The following ZNF385B variants were observed in gnomAD, a reference collection of about 807,000 sequenced individuals.
ZNF385B encodes zinc finger protein 385B, also known as zinc finger protein 533.
A neutral mutation model predicts 39.2 loss-of-function variants in ZNF385B; 23 were observed. The observed-to-expected ratio is 0.59, with a 90% CI of 0.42 to 0.83. ZNF385B has a LOEUF of 0.83. Ranked by LOEUF, ZNF385B falls within the 40% of genes least tolerant of loss-of-function variation. The probability of loss-of-function intolerance (pLI) is 0.00; values close to 1 mark genes in which losing one functional copy is unlikely to be tolerated. For missense variants in ZNF385B, 552 were observed against 598.9 expected (o/e 0.92, Z 0.82); for synonymous variants, 205 against 222.6 (o/e 0.92, Z 0.70).
chr2:179,669,814 A>C (rs1008548998), intron 3 of ZNF385B, among the ~76,000 whole-genome samples: 1 of 152,210 alleles, frequency 6.6e-6, no homozygotes, highest in African/African-American at 2.4e-5. Context: ...GTACTGAAGA[A>C]CTAATACAGT....
At chr2:179,808,102 A>G (rs968488679) in intron 1 of ZNF385B, among the ~76,000 whole-genome samples, 4 of 151,502 alleles carry the variant, frequency 2.6e-5, no homozygotes, top group Non-Finnish European at 4.4e-5. Context: ...GCGGGATCTC[A>G]GCTCAATGCA....
At chr2:179,720,873 C>T (rs1378124100) in intron 3 of ZNF385B, among the ~76,000 whole-genome samples, 1 of 151,494 alleles carries the variant, frequency 6.6e-6, no homozygotes, top group Non-Finnish European at 1.5e-5. Flanking sequence ...GATACTCCTG[C>T]CTCAGCCTCC....
intron 3 of ZNF385B, among the ~76,000 whole-genome samples, chr2:179,625,110 G>A (rs1425451992): frequency 6.6e-6 from 1 of 152,114 alleles, no homozygotes; most frequent in Non-Finnish European, 1.5e-5. Context: ...TACCTGGAGT[G>A]GTGATGTAGA....
intron 3 of ZNF385B, among the ~76,000 whole-genome samples, chr2:179,758,672 T>C (rs1237684007): frequency 6.6e-6 from 1 of 152,246 alleles, no homozygotes. Flanking sequence ...GCTCTGTGAC[T>C]GCTAGGTAAC....
intron 3 of ZNF385B, among the ~76,000 whole-genome samples, chr2:179,683,388 G>GA: frequency 6.6e-6 from 1 of 150,790 alleles, no homozygotes; most frequent in South Asian, 2.1e-4. Flanking sequence ...TCTCAAAAAA[G>GA]AAAAAAAGGA....
At chr2:179,797,613 G>C (rs1705752492) in intron 1 of ZNF385B, among the ~76,000 whole-genome samples, 1 of 152,106 alleles carries the variant, frequency 6.6e-6, no homozygotes, top group African/African-American at 2.4e-5. Context: ...ATTTATTTGT[G>C]AAAGAAACCA....
Position 179,619,901 on chromosome 2 carries a change from AGC to A in ZNF385B, c.299-74934_299-74933del, listed in dbSNP as rs796345183. 6.6e-5 allele frequency among the ~76,000 whole-genome samples: 10 copies of A among 152,346 alleles called. 1 individual carries two copies. The highest frequency in any genetic ancestry group is 2.4e-4 in the African/African-American group (10 of 41,582). The stretch of plus-strand genomic sequence containing the variant: ...GTAATGTGGCATGATAAAAAGAGAA[AGC>A]CAGAAAGATATAGGATGAAATTCTG... On this transcript the variant is annotated intron_variant, in intron 3 of 9. Coordinates refer to ENST00000410066, the MANE Select transcript of ZNF385B (RefSeq NM_152520.6).
At chr2:179,745,770 CCA>C (rs1559154890) in intron 3 of ZNF385B, 25 of 1,534,184 alleles carry the variant, frequency 1.6e-5, no homozygotes, top group Non-Finnish European at 2.1e-5. Flanking sequence ...TCAAGAGCAA[CCA>C]AGTTGGATAA....
intron 3 of ZNF385B, among the ~76,000 whole-genome samples, chr2:179,713,126 GAT>G (rs1700110923): frequency 6.6e-6 from 1 of 152,196 alleles, no homozygotes; most frequent in African/African-American, 2.4e-5. Context: ...TCTAGGCTAA[GAT>G]ATGATGTTCA....
chr2:179,773,846 A>G (rs1704150745), intron 1 of ZNF385B, among the ~76,000 whole-genome samples: 1 of 152,218 alleles, frequency 6.6e-6, no homozygotes, highest in Non-Finnish European at 1.5e-5. Context: ...AAGCTCCTTG[A>G]GTATAAAAAC....
intron 1 of ZNF385B, among the ~76,000 whole-genome samples, chr2:179,791,166 T>A (rs1575496844): frequency 6.6e-6 from 1 of 152,196 alleles, no homozygotes; most frequent in African/African-American, 2.4e-5. Context: ...GCCAGGATGA[T>A]TCCGATCTAC....
chr2:179,778,221 G>T (rs1704456270), intron 1 of ZNF385B, among the ~76,000 whole-genome samples: 1 of 152,130 alleles, frequency 6.6e-6, no homozygotes, highest in African/African-American at 2.4e-5. Context: ...TTCTCCATCT[G>T]CCCTGCATGG....
intron 3 of ZNF385B, among the ~76,000 whole-genome samples, chr2:179,738,552 C>T (rs1243636802): frequency 1.3e-5 from 2 of 152,256 alleles, no homozygotes; most frequent in Non-Finnish European, 2.9e-5. Context: ...ATTCCTACAT[C>T]GTTTTTCACT....
intron 1 of ZNF385B, among the ~76,000 whole-genome samples, chr2:179,778,263 C>A (rs1704458907): frequency 6.6e-6 from 1 of 152,218 alleles, no homozygotes; most frequent in South Asian, 2.1e-4. Flanking sequence ...AGCAGCAGAG[C>A]ACAAGACAGC....
At chr2:179,824,787 A>G (rs1707588888) in intron 1 of ZNF385B, among the ~76,000 whole-genome samples, 1 of 152,048 alleles carries the variant, frequency 6.6e-6, no homozygotes, top group South Asian at 2.1e-4. Context: ...TTAATATTTA[A>G]AGATACAACT....
At chr2:179,735,787 A>G (rs181010108) in intron 3 of ZNF385B, among the ~76,000 whole-genome samples, 12,643 of 149,484 alleles carry the variant, frequency 0.085, 623 homozygotes, top group Non-Finnish European at 0.11. Context: ...CAAGAACTAA[A>G]AACCAAACAC....
intron 6 of ZNF385B, among the ~76,000 whole-genome samples, chr2:179,467,501 G>A (rs1022044678): frequency 6.6e-6 from 1 of 152,172 alleles, no homozygotes; most frequent in Non-Finnish European, 1.5e-5. Context: ...GAAATACTGA[G>A]TAGCCAAGGA....
chr2:179,825,775 T>C (rs1195017556), intron 1 of ZNF385B, among the ~76,000 whole-genome samples: 2 of 152,154 alleles, frequency 1.3e-5, no homozygotes, highest in South Asian at 2.1e-4. Flanking sequence ...GTCTCTGAAA[T>C]AGGACGCCAT....
chr2:179,731,748 T>C (rs7574931), intron 3 of ZNF385B, among the ~76,000 whole-genome samples: 14,450 of 152,202 alleles, frequency 0.095, 771 homozygotes, highest in Non-Finnish European at 0.12. Context: ...GATTGTGCCA[T>C]GGCACTCCCA....
Sources: allele counts gnomAD v4.1 joint callset (sites outside exome capture counted in the v4.1 genomes callset), GRCh38; gene constraint gnomAD v4.1.1; transcripts MANE v1.5; gene names NCBI Gene and HGNC (gene_info 2026-07-23, HGNC 2026-07-21).